ARHGAP17: variants seen among roughly 807,000 people sequenced by gnomAD.
ARHGAP17 encodes rho GTPase-activating protein 17.
In ARHGAP17, 57 loss-of-function variants were observed where a neutral mutation model predicts 99.5. The ratio of observed to expected loss-of-function variants is 0.57; its 90% confidence interval spans 0.46 to 0.71. The LOEUF is 0.71. Ranked by LOEUF, ARHGAP17 falls within the 30% of genes least tolerant of loss-of-function variation. The probability of loss-of-function intolerance (pLI) is 0.00; values close to 1 mark genes in which losing one functional copy is unlikely to be tolerated. For synonymous variants in ARHGAP17, 417 were observed against 429.6 expected, an observed-to-expected ratio of 0.97 and a Z score of 0.36; for missense variants, 1,000 against 1,122.4, an observed-to-expected ratio of 0.89 and a Z score of 1.56.
intron 18 of ARHGAP17, among the ~76,000 whole-genome samples, chr16:24,931,788 T>C (rs13329742): frequency 0.032 from 4,812 of 152,130 alleles, 266 homozygotes; most frequent in African/African-American, 0.11. Context: ...GTGGAAAAAC[T>C]AGGGAAATCT....
At chr16:24,963,615 T>C (rs2052080699) in intron 7 of ARHGAP17, among the ~76,000 whole-genome samples, 1 of 152,196 alleles carries the variant, frequency 6.6e-6, no homozygotes. Context: ...AACATCTATC[T>C]ACACAGGTGG....
At chr16:24,958,752 C>T (rs746210336) in intron 9 of ARHGAP17, among the ~76,000 whole-genome samples, 1 of 152,048 alleles carries the variant, frequency 6.6e-6, no homozygotes, top group Non-Finnish European at 1.5e-5. Context: ...ACAAAGCATC[C>T]CCCCCACAAC....
intron 1 of ARHGAP17, among the ~76,000 whole-genome samples, chr16:25,000,062 C>A (rs926928648): frequency 7.9e-5 from 12 of 152,158 alleles, no homozygotes; most frequent in Non-Finnish European, 1.8e-4. Context: ...ACCAAGGTCA[C>A]AGACACAGCG....
intron 1 of ARHGAP17, among the ~76,000 whole-genome samples, chr16:25,008,506 G>A (rs952521747): frequency 6.6e-6 from 1 of 152,118 alleles, no homozygotes; most frequent in African/African-American, 2.4e-5. Flanking sequence ...CAAACACAGC[G>A]AACAGATGAG....
At chr16:24,944,567 G>A (rs1435985908) in intron 14 of ARHGAP17, among the ~76,000 whole-genome samples, 3 of 152,078 alleles carry the variant, frequency 2.0e-5, no homozygotes, top group South Asian at 2.1e-4. Context: ...TTTTGCCTAC[G>A]ATATCACCAA....
chr16:24,971,274 T>G (rs2052353108), intron 3 of ARHGAP17, among the ~76,000 whole-genome samples: 1 of 151,790 alleles, frequency 6.6e-6, no homozygotes, highest in South Asian at 2.1e-4. Flanking sequence ...GACAGGTAAA[T>G]GCAATGAAGT....
intron 19 of ARHGAP17, among the ~76,000 whole-genome samples, chr16:24,923,192 G>A (rs988839850): frequency 2.6e-5 from 4 of 152,164 alleles, no homozygotes; most frequent in Non-Finnish European, 5.9e-5. Flanking sequence ...CTGGCTCTTC[G>A]CATTACATTT....
At position 24,982,996 on chromosome 16, in the gene ARHGAP17, A is replaced by AT. The variant is rs1193522045; in HGVS notation, c.54-3992dup. On this transcript the variant is annotated intron_variant, in intron 1 of 19. Coordinates refer to ENST00000289968, the MANE Select transcript of ARHGAP17 (RefSeq NM_001006634.3). ...TATATATATATATATATATATATATATTTTTTTTTTTTTTTTTTTTTTTTT... is the reference window on the plus strand; with the variant it reads ...TATATATATATATATATATATATATATTTTTTTTTTTTTTTTTTTTTTTTTT... Among the ~76,000 whole-genome samples, 15 of 46,976 alleles carry AT rather than the reference A, an allele frequency of 3.2e-4. 2 individuals are homozygous for AT. Among genetic ancestry groups the AT allele is most frequent in the East Asian group, 2.5e-3 (5 of 2,028 alleles). 30.8% of individuals were successfully genotyped at this position (46,976 alleles called of 152,430 possible). A position where few individuals can be genotyped will look rare whatever the true frequency, so the allele number is the denominator to read the frequency against.
At chr16:24,959,604 G>T in intron 9 of ARHGAP17, 67 bp downstream of exon 9, 1 of 1,502,046 alleles carries the variant, frequency 6.7e-7, no homozygotes, top group Non-Finnish European at 9.2e-7. Flanking sequence ...GAGTCAGGGT[G>T]AAGAAGAACC....
chr16:24,950,587 C>A (rs1331004128), intron 12 of ARHGAP17, among the ~76,000 whole-genome samples: 3 of 152,044 alleles, frequency 2.0e-5, no homozygotes, highest in Non-Finnish European at 4.4e-5. Context: ...GTAATCCCAG[C>A]AGTTTGGGAG....
At chr16:25,012,507 AAAC>A (rs1352433752) in intron 1 of ARHGAP17, among the ~76,000 whole-genome samples, 2 of 152,178 alleles carry the variant, frequency 1.3e-5, no homozygotes. Context: ...GCAGGGGCGA[AAAC>A]AAAAAAACCC....
chr16:24,935,574 A>G lies in ARHGAP17; in HGVS notation c.1790T>C (p.Ile597Thr), dbSNP rs1291031480. ...CTGGGGCTGATTTTGGCCAGATGCT[A>G]TCTGACTGTTGTTTCTCCCTGGTGC... ...VPAPGRNNSQ[I>T]ASGQNQPQAA... The change falls in exon 18 of 20, where the codon ATA becomes ACA. Residue 597 changes from isoleucine to threonine, a missense_variant. This residue lies in a region of ARHGAP17 where 528 missense variants were observed against 511.4 expected (regional missense o/e 1.03). Coordinates refer to ENST00000289968, the MANE Select transcript of ARHGAP17 (RefSeq NM_001006634.3). The G allele has an allele frequency of 1.2e-6, 2 of 1,614,198 alleles. No homozygotes were observed. The highest frequency in any genetic ancestry group is 1.1e-5 in the South Asian group (1 of 91,088).
Position 24,977,332 on chromosome 16 carries a change from A to G in ARHGAP17, c.94-13T>C. ...GGCGTCTCTCAATCTGACAAGGCAG[A>G]GACAAAAGAGAACAAATTCATCCTC... On this transcript the variant is annotated splice_polypyrimidine_tract_variant and intron_variant, in intron 2 of 19. Transcript: ENST00000289968. 6.4e-7 allele frequency: 1 copy of G among 1,564,328 alleles called. No individual in the cohort carries two copies. Among genetic ancestry groups the G allele is most frequent in the Non-Finnish European group, 8.7e-7 (1 of 1,145,836 alleles).
At position 24,919,977 on chromosome 16, in the gene ARHGAP17, T is replaced by C; in HGVS notation, c.*153A>G. 1 of 1,121,440 alleles carries C rather than the reference T, an allele frequency of 8.9e-7. No homozygotes were observed. The allele number at this position is 1,121,440 out of a possible 1,614,324, so 69.5% of individuals were successfully genotyped here. A position where few individuals can be genotyped will look rare whatever the true frequency, so the allele number is the denominator to read the frequency against. On this transcript the variant is annotated 3_prime_UTR_variant, in exon 20 of 20. Transcript: ENST00000289968. ...TTAGTGGTGGCCTCCAGGTTCTCCTTGGGCCGTGCAGAAGGCCAGGTCCCG... is the reference window on the plus strand; with the variant it reads ...TTAGTGGTGGCCTCCAGGTTCTCCTCGGGCCGTGCAGAAGGCCAGGTCCCG...
chr16:25,012,705 A>G (rs2053673721), intron 1 of ARHGAP17, among the ~76,000 whole-genome samples: 1 of 152,232 alleles, frequency 6.6e-6, no homozygotes, highest in South Asian at 2.1e-4. Context: ...ATCAACAGCA[A>G]GGAAGCAACA....
chr16:24,997,040 T>C (rs2053213059), intron 1 of ARHGAP17, among the ~76,000 whole-genome samples: 1 of 152,194 alleles, frequency 6.6e-6, no homozygotes, highest in African/African-American at 2.4e-5. Context: ...CTTCACAGGG[T>C]CTGGTGGGTA....
At chr16:24,948,219 G>A (rs990124607) in intron 13 of ARHGAP17, among the ~76,000 whole-genome samples, 4 of 152,124 alleles carry the variant, frequency 2.6e-5, no homozygotes, top group Admixed American at 6.6e-5. Context: ...AAGCAAAAAA[G>A]GTAAGGGGGA....
intron 15 of ARHGAP17, among the ~76,000 whole-genome samples, chr16:24,942,712 G>C (rs766326623): frequency 2.6e-5 from 4 of 151,430 alleles, no homozygotes; most frequent in Non-Finnish European, 5.9e-5. Flanking sequence ...AGGTTGCAGT[G>C]GGCCGAGATC....
chr16:24,959,229 C>G (rs1456099969), intron 9 of ARHGAP17, among the ~76,000 whole-genome samples: 1 of 152,190 alleles, frequency 6.6e-6, no homozygotes, highest in Admixed American at 6.5e-5. Context: ...TTAAGTGTGA[C>G]GTGCATGATG....
Sources: gnomAD v4.1 joint callset for allele counts (sites outside exome capture counted in the v4.1 genomes callset) on GRCh38, gnomAD v4.1.1 for gene constraint, gnomAD v4.1.1 regional missense constraint, MANE v1.5 for transcripts, NCBI Gene and HGNC (gene_info 2026-07-23, HGNC 2026-07-21) for gene names.